Variants in ARHGAP15 observed in about 807,000 individuals in gnomAD.
ARHGAP15 encodes the protein rho GTPase-activating protein 15.
ARHGAP15 carries 51 observed loss-of-function variants against 63.7 expected under a neutral mutation model. The ratio of observed to expected loss-of-function variants is 0.80; its 90% CI spans 0.64 to 1.01. The LOEUF is 1.01. ARHGAP15 is among the 50% of genes least tolerant of loss of function. ARHGAP15 has a pLI of 0.00. For missense variants in ARHGAP15, 560 were observed against 564.6 expected, an observed-to-expected ratio of 0.99 and a Z score of 0.08; for synonymous variants, 191 against 193.8, an observed-to-expected ratio of 0.99 and a Z score of 0.12.
At chr2:143,649,001 G>A (rs1559102177) in intron 12 of ARHGAP15, 1 of 151,956 alleles carries the variant, frequency 6.6e-6, no homozygotes, top group Non-Finnish European at 1.5e-5. Flanking sequence ...TTATAAGCAA[G>A]TCAAAAGATT....
intron 12 of ARHGAP15, among the ~76,000 whole-genome samples, chr2:143,662,869 A>C (rs894152859): frequency 3.5e-5 from 5 of 141,542 alleles, no homozygotes; most frequent in African/African-American, 1.3e-4. Context: ...TAGAGAAAAA[A>C]GAATAAAAAG....
intron 10 of ARHGAP15, among the ~76,000 whole-genome samples, chr2:143,529,681 T>C (rs1014285096): frequency 3.3e-5 from 5 of 152,176 alleles, no homozygotes; most frequent in African/African-American, 1.2e-4. Flanking sequence ...CCCATGCTTT[T>C]CTTTCTCCCT....
At chr2:143,369,368 C>T (rs1686442880) in intron 6 of ARHGAP15, among the ~76,000 whole-genome samples, 1 of 152,024 alleles carries the variant, frequency 6.6e-6, no homozygotes, top group South Asian at 2.1e-4. Context: ...GCCAATTTTC[C>T]TTTAAAATGG....
At chr2:143,546,749 G>A (rs4341881) in intron 10 of ARHGAP15, among the ~76,000 whole-genome samples, 124,468 of 152,092 alleles carry the variant, frequency 0.82, 51,031 homozygotes, top group South Asian at 0.84. Context: ...TGATCACAGC[G>A]TAACAGTAGA....
chr2:143,675,100 TTTG>T (rs1682759655), intron 12 of ARHGAP15, among the ~76,000 whole-genome samples: 1 of 152,200 alleles, frequency 6.6e-6, no homozygotes, highest in African/African-American at 2.4e-5. Context: ...TTCTAAATCA[TTTG>T]TTGTTATTTC....
At chr2:143,720,117 T>C (rs1230234990) in intron 13 of ARHGAP15, among the ~76,000 whole-genome samples, 2 of 152,130 alleles carry the variant, frequency 1.3e-5, no homozygotes, top group African/African-American at 4.8e-5. Flanking sequence ...TAGTTGTATG[T>C]AGGATTGTGG....
intron 13 of ARHGAP15, among the ~76,000 whole-genome samples, chr2:143,754,830 A>G (rs1395428042): frequency 6.6e-6 from 1 of 152,170 alleles, no homozygotes; most frequent in Non-Finnish European, 1.5e-5. Flanking sequence ...CAGGCCATCC[A>G]TATTTTGGCT....
At chr2:143,257,680 T>C (rs889448535) in intron 6 of ARHGAP15, among the ~76,000 whole-genome samples, 3 of 152,120 alleles carry the variant, frequency 2.0e-5, no homozygotes, top group African/African-American at 7.2e-5. Context: ...ATGCCATCCA[T>C]GGGCTCCTGT....
chr2:143,381,117 A>C (rs1687036710), intron 6 of ARHGAP15, among the ~76,000 whole-genome samples: 1 of 152,184 alleles, frequency 6.6e-6, no homozygotes, highest in African/African-American at 2.4e-5. Flanking sequence ...TATTAAAACA[A>C]GTCTAGTTGC....
At chr2:143,245,249 G>A (rs2104959277) in intron 5 of ARHGAP15, among the ~76,000 whole-genome samples, 1 of 152,292 alleles carries the variant, frequency 6.6e-6, no homozygotes, top group Non-Finnish European at 1.5e-5. Flanking sequence ...CATTTAGAAA[G>A]TGGGAAGAGG....
At chr2:143,681,665 C>A (rs1476859386) in intron 12 of ARHGAP15, among the ~76,000 whole-genome samples, 1 of 152,060 alleles carries the variant, frequency 6.6e-6, no homozygotes, top group Non-Finnish European at 1.5e-5. Flanking sequence ...TTTATCCAAC[C>A]GTATGTTCCT....
chr2:143,364,767 C>T (rs927056260), intron 6 of ARHGAP15, among the ~76,000 whole-genome samples: 1 of 152,214 alleles, frequency 6.6e-6, no homozygotes, highest in African/African-American at 2.4e-5. Flanking sequence ...TGGCTCAGGC[C>T]TGTAATTCCC....
At chr2:143,488,575 A>G (rs1692429806) in intron 9 of ARHGAP15, among the ~76,000 whole-genome samples, 1 of 152,260 alleles carries the variant, frequency 6.6e-6, no homozygotes, top group Non-Finnish European at 1.5e-5. Flanking sequence ...AACCCTCAGA[A>G]GAAAGCTGAA....
At chr2:143,242,693 A>G (rs1008905775) in intron 5 of ARHGAP15, among the ~76,000 whole-genome samples, 2 of 152,216 alleles carry the variant, frequency 1.3e-5, no homozygotes, top group Non-Finnish European at 1.5e-5. Flanking sequence ...CATCATTTAT[A>G]TTCATATACA....
At chr2:143,324,475 A>C (rs1407116045) in intron 6 of ARHGAP15, among the ~76,000 whole-genome samples, 1 of 152,228 alleles carries the variant, frequency 6.6e-6, no homozygotes, top group Non-Finnish European at 1.5e-5. Context: ...AATACTTATT[A>C]GTTTGTAACC....
At chr2:143,261,729 G>C (rs7592448) in intron 6 of ARHGAP15, among the ~76,000 whole-genome samples, 3 of 152,072 alleles carry the variant, frequency 2.0e-5, no homozygotes, top group Non-Finnish European at 4.4e-5. Context: ...GCTTAGGCTA[G>C]GTTCCCCTGA....
At chr2:143,576,769 C>G (rs1276176811) in intron 11 of ARHGAP15, among the ~76,000 whole-genome samples, 1 of 152,102 alleles carries the variant, frequency 6.6e-6, no homozygotes, top group Non-Finnish European at 1.5e-5. Flanking sequence ...ATTTTACCAC[C>G]TCTTTTTCAC....
rs1205862971 is a variant in ARHGAP15 at position 143,229,431 on chromosome 2, T to A, written c.384+763T>A. Among the ~76,000 whole-genome samples, 7 of 152,272 alleles carry A rather than the reference T, an allele frequency of 4.6e-5. No individual in the cohort carries two copies. The East Asian group carries it at 1.2e-3, about 25-fold the overall frequency. On this transcript the variant is annotated intron_variant, in intron 5 of 13. Transcript: ENST00000295095. ...CCTGGAGGAGGGCCTCACATATACC[T>A]ACAAAGATTTGACAGTGATAATAAG...
At chr2:143,721,337 A>G (rs1262799374) in intron 13 of ARHGAP15, among the ~76,000 whole-genome samples, 1 of 152,234 alleles carries the variant, frequency 6.6e-6, no homozygotes, top group Non-Finnish European at 1.5e-5. Context: ...TAAATGAAGC[A>G]GAAACATGGA....
Sources: gnomAD v4.1 joint callset for allele counts (sites outside exome capture counted in the v4.1 genomes callset) on GRCh38, gnomAD v4.1.1 for gene constraint, MANE v1.5 for transcripts, NCBI Gene and HGNC (gene_info 2026-07-23, HGNC 2026-07-21) for gene names.